The following FHIT variants were observed in gnomAD, a reference collection of about 807,000 sequenced individuals.
FHIT encodes the protein bis(5'-adenosyl)-triphosphatase.
A neutral mutation model predicts 17.9 loss-of-function variants in FHIT; 19 were observed. That is an observed-to-expected ratio of 1.06 (90% CI 0.74 to 1.56). The LOEUF is 1.56. FHIT is among the 40% of genes most tolerant of loss of function. The pLI is 0.00. For missense variants in FHIT, 248 were observed against 189.2 expected (o/e 1.31, Z -1.82); for synonymous variants, 81 against 69.7 (o/e 1.16, Z -0.81).
chr3:60,510,783 T>C (rs1204190359), intron 5 of FHIT, among the ~76,000 whole-genome samples: 2 of 152,156 alleles, frequency 1.3e-5, no homozygotes, highest in Non-Finnish European at 2.9e-5. Context: ...TAAATTTAAA[T>C]TTAAGGTTTT....
chr3:60,378,989 T>C (rs1048832239), intron 5 of FHIT, among the ~76,000 whole-genome samples: 4 of 152,230 alleles, frequency 2.6e-5, no homozygotes, highest in East Asian at 1.9e-4. Context: ...CCTTGAAGAA[T>C]TGCTCATGTG....
intron 4 of FHIT, among the ~76,000 whole-genome samples, chr3:60,621,144 A>ATTTTTTTT (rs11370683): frequency 3.2e-5 from 3 of 95,072 alleles, no homozygotes; most frequent in Non-Finnish European, 3.8e-5. Flanking sequence ...TCTACTTTTG[A>ATTTTTTTT]TTTTTTTTTT....
chr3:60,197,760 TCCAATG>T (rs1391461637), intron 5 of FHIT, among the ~76,000 whole-genome samples: 1 of 152,158 alleles, frequency 6.6e-6, no homozygotes, highest in African/African-American at 2.4e-5. Flanking sequence ...TACATTTCTC[TCCAATG>T]CCCTTAGTTC....
chr3:60,231,238 T>C (rs1285959570), intron 5 of FHIT, among the ~76,000 whole-genome samples: 1 of 152,050 alleles, frequency 6.6e-6, no homozygotes, highest in Non-Finnish European at 1.5e-5. Flanking sequence ...TGTGTATATG[T>C]ACACATACAC....
chr3:60,073,746 G>C (rs1355390304), intron 5 of FHIT, among the ~76,000 whole-genome samples: 1 of 151,986 alleles, frequency 6.6e-6, no homozygotes, highest in African/African-American at 2.4e-5. Flanking sequence ...TGTGGCCCTT[G>C]ACTCACTGGA....
chr3:59,789,999 G>A (rs1699480791), intron 8 of FHIT, among the ~76,000 whole-genome samples: 1 of 152,154 alleles, frequency 6.6e-6, no homozygotes, highest in Admixed American at 6.5e-5. Context: ...CTTCATCACA[G>A]CAGTGCCATT....
intron 4 of FHIT, among the ~76,000 whole-genome samples, chr3:60,813,918 C>A (rs1376955517): frequency 1.3e-5 from 2 of 152,086 alleles, no homozygotes; most frequent in East Asian, 3.9e-4. Flanking sequence ...CTCTAGACTT[C>A]CTATGCTGTT....
intron 2 of FHIT, among the ~76,000 whole-genome samples, chr3:61,091,505 C>A (rs2035480574): frequency 6.6e-6 from 1 of 152,300 alleles, no homozygotes; most frequent in African/African-American, 2.4e-5. Context: ...ATCATCACCA[C>A]TATTAACATC....
intron 3 of FHIT, among the ~76,000 whole-genome samples, chr3:60,834,548 A>G (rs1365775290): frequency 6.6e-6 from 1 of 151,570 alleles, no homozygotes; most frequent in Non-Finnish European, 1.5e-5. Flanking sequence ...GCCTGTAGTT[A>G]TTCTTTTCAT....
intron 2 of FHIT, among the ~76,000 whole-genome samples, chr3:61,148,465 C>A (rs1248906021): frequency 1.3e-5 from 2 of 152,084 alleles, no homozygotes; most frequent in African/African-American, 4.8e-5. Flanking sequence ...AGTATGCATT[C>A]TTTTGTTTGT....
chr3:61,181,247 T>C (rs1284923937), intron 2 of FHIT, among the ~76,000 whole-genome samples: 1 of 152,222 alleles, frequency 6.6e-6, no homozygotes, highest in Non-Finnish European at 1.5e-5. Flanking sequence ...ATAGTAACAT[T>C]ATATTTTTCC....
intron 4 of FHIT, among the ~76,000 whole-genome samples, chr3:60,699,431 G>A (rs1181759523): frequency 1.3e-5 from 2 of 152,120 alleles, no homozygotes; most frequent in Non-Finnish European, 2.9e-5. Flanking sequence ...GAGCAAAAAT[G>A]TCATTATTGC....
At chr3:60,721,473 T>G (rs1269573881) in intron 4 of FHIT, among the ~76,000 whole-genome samples, 1 of 152,098 alleles carries the variant, frequency 6.6e-6, no homozygotes, top group Non-Finnish European at 1.5e-5. Flanking sequence ...TGAGAACCAT[T>G]TACAATTATA....
At chr3:61,034,781 G>A (rs564954783) in intron 3 of FHIT, among the ~76,000 whole-genome samples, 7 of 152,114 alleles carry the variant, frequency 4.6e-5, no homozygotes, top group African/African-American at 1.7e-4. Flanking sequence ...TCACTGGTAG[G>A]TATATATCCA....
intron 2 of FHIT, among the ~76,000 whole-genome samples, chr3:61,116,993 C>T (rs140719429): frequency 6.6e-6 from 1 of 152,094 alleles, no homozygotes; most frequent in East Asian, 1.9e-4. Context: ...TAATATCAAC[C>T]CAGTCATTAA....
chr3:61,213,314 T>C (rs1392414201), intron 1 of FHIT, among the ~76,000 whole-genome samples: 2 of 152,152 alleles, frequency 1.3e-5, no homozygotes, highest in Non-Finnish European at 2.9e-5. Flanking sequence ...GAGGAAGATC[T>C]ACCCAGCAAA....
chr3:60,241,215 T>A (rs568849607), intron 5 of FHIT, among the ~76,000 whole-genome samples: 1 of 152,076 alleles, frequency 6.6e-6, no homozygotes, highest in Admixed American at 6.6e-5. Flanking sequence ...CTGTCATAAT[T>A]CCCTAAGACA....
In FHIT at chr3:61,207,119, G is replaced by A. The variant is rs372030247; in HGVS notation, c.-212-6454C>T. On this transcript the variant is annotated intron_variant, in intron 1 of 9. Transcript: ENST00000492590. ...TGGTTCTGTTTATATGCTGGATTAC[G>A]TTAATTGATTTGCATATGTTCAACC... 1.2e-4 allele frequency among the ~76,000 whole-genome samples: 19 copies of A among 152,200 alleles called. No individual in the cohort carries two copies. The East Asian group carries it at 2.3e-3, about 19-fold the overall frequency.
intron 4 of FHIT, among the ~76,000 whole-genome samples, chr3:60,650,316 T>C (rs1208555831): frequency 6.6e-6 from 1 of 152,202 alleles, no homozygotes; most frequent in Non-Finnish European, 1.5e-5. Context: ...ATTTGCAATG[T>C]TGGAGTAAGA....
Sources: allele counts gnomAD v4.1 joint callset (sites outside exome capture counted in the v4.1 genomes callset), GRCh38; gene constraint gnomAD v4.1.1; transcripts MANE v1.5; gene names NCBI Gene and HGNC (gene_info 2026-07-23, HGNC 2026-07-21).